Variants in ZNF469 observed in about 807,000 individuals in gnomAD.
ZNF469 encodes zinc finger protein 469.
In ZNF469, 1 loss-of-function variant was observed where a neutral mutation model predicts 1.0. The ratio of observed to expected loss-of-function variants is 1.00; its 90% CI spans 0.35 to 4.73. The LOEUF (loss-of-function observed/expected upper bound fraction) is 4.73, where lower values mean the gene tolerates loss of function less well. Ranked by LOEUF, ZNF469 falls within the 30% of genes most tolerant of loss-of-function variation. The pLI, the probability that ZNF469 is intolerant of heterozygous loss-of-function variation, is 0.16. For missense variants in ZNF469, 6,100 were observed against 5,356.3 expected, an observed-to-expected ratio of 1.14 and a Z score of -4.33; for synonymous variants, 2,703 against 2,363.4, an observed-to-expected ratio of 1.14 and a Z score of -4.17.
At chr16:88,175,730 T>C in the ZNF469 span, among the ~76,000 whole-genome samples, 1 of 152,222 alleles carries the variant, frequency 6.6e-6, no homozygotes, top group Admixed American at 6.5e-5. Context: ...TCAATGCTTA[T>C]GTTAGAAGAG....
chr16:88,393,359 G>A (rs1032640531), intron 1 of ZNF469, among the ~76,000 whole-genome samples: 23 of 152,228 alleles, frequency 1.5e-4, no homozygotes, highest in Admixed American at 9.8e-4. Flanking sequence ...GCTGGGAGCC[G>A]CATTTAGCTC....
chr16:88,168,927 C>CG, the ZNF469 span, among the ~76,000 whole-genome samples: 2 of 152,142 alleles, frequency 1.3e-5, no homozygotes, highest in East Asian at 3.9e-4. This position sits in a 1 kb window ranked among gnomAD's most constrained non-coding sequence, Gnocchi z 4.3. Flanking sequence ...GAGACCCCCC[C>CG]CTCTACAAAA....
At chr16:88,349,747 G>A in the ZNF469 span, among the ~76,000 whole-genome samples, 1 of 110,136 alleles carries the variant, frequency 9.1e-6, no homozygotes, top group Non-Finnish European at 1.8e-5. Context: ...ACACACAAGT[G>A]CACACATGCC....
chr16:88,333,739 G>A, the ZNF469 span, among the ~76,000 whole-genome samples: 1 of 136,136 alleles, frequency 7.3e-6, no homozygotes, highest in African/African-American at 2.6e-5. Context: ...CCCGCGAGGT[G>A]GGGCTGGTAG....
At chr16:88,105,763 A>G in the ZNF469 span, among the ~76,000 whole-genome samples, 2 of 152,174 alleles carry the variant, frequency 1.3e-5, no homozygotes, top group Non-Finnish European at 2.9e-5. Context: ...TAGTTGATTG[A>G]TGATGTCTGC....
the ZNF469 span, among the ~76,000 whole-genome samples, chr16:88,366,445 A>G: frequency 6.6e-6 from 1 of 151,630 alleles, no homozygotes; most frequent in Non-Finnish European, 1.5e-5. Flanking sequence ...CACAACCACC[A>G]TCATCACCAC....
intron 1 of ZNF469, among the ~76,000 whole-genome samples, chr16:88,384,191 T>G (rs2092532342): frequency 6.6e-6 from 1 of 152,186 alleles, no homozygotes; most frequent in Middle Eastern, 3.2e-3. Context: ...AAGTCTTAGA[T>G]GCAGAAACTG....
chr16:88,411,556 C>A (rs186635999), intron 1 of ZNF469, among the ~76,000 whole-genome samples: 1 of 140,064 alleles, frequency 7.1e-6, no homozygotes, highest in Admixed American at 7.0e-5. Flanking sequence ...ATGGCTCTCC[C>A]GCATGGCTGC....
intron 1 of ZNF469, among the ~76,000 whole-genome samples, chr16:88,397,736 C>T (rs558184270): frequency 6.6e-6 from 1 of 152,128 alleles, no homozygotes; most frequent in East Asian, 1.9e-4. Flanking sequence ...GAGAGATTCT[C>T]CTCTGTAAGA....
intron 1 of ZNF469, among the ~76,000 whole-genome samples, chr16:88,402,926 C>CG (rs376726595): frequency 1.3e-5 from 2 of 152,274 alleles, no homozygotes; most frequent in African/African-American, 4.8e-5. Context: ...AGCTGAGAAC[C>CG]CCCACGCCGG....
chr16:88,188,526 C>T, the ZNF469 span, among the ~76,000 whole-genome samples: 1 of 152,148 alleles, frequency 6.6e-6, no homozygotes, highest in Non-Finnish European at 1.5e-5. Flanking sequence ...CATGGTCTGG[C>T]CCCCATGGTG....
the ZNF469 span, among the ~76,000 whole-genome samples, chr16:88,328,031 C>G: frequency 1.3e-4 from 20 of 152,334 alleles, no homozygotes; most frequent in South Asian, 4.1e-3. Flanking sequence ...AGCAGCAGCT[C>G]CCGGCACACA....
At chr16:88,233,688 G>A in the ZNF469 span, among the ~76,000 whole-genome samples, 1 of 152,256 alleles carries the variant, frequency 6.6e-6, no homozygotes, top group Non-Finnish European at 1.5e-5. Context: ...ACCAGGGGAA[G>A]GCAGATGTTT....
chr16:88,431,106 A>C lies in ZNF469; in HGVS notation c.3636A>C (p.Ser1212=), dbSNP rs1215567634. ...PLQVPTNTET[S]EETRPSLDFP... ...AGGTCCCCACCAACACCGAGACCTCAGAGGAAACCCGCCCGTCGCTGGACT... is the reference window on the plus strand; with the variant it reads ...AGGTCCCCACCAACACCGAGACCTCCGAGGAAACCCGCCCGTCGCTGGACT... Residue 1212 remains serine, a synonymous_variant, in exon 3 of 3, where the codon TCA becomes TCC. Transcript: ENST00000565624. 1 of 1,549,962 alleles carries C rather than the reference A, an allele frequency of 6.5e-7. No individual in the cohort carries two copies. The highest frequency in any genetic ancestry group is 2.4e-5 in the East Asian group (1 of 40,902).
upstream of ZNF469, among the ~76,000 whole-genome samples, chr16:88,380,589 T>A (rs558324947): frequency 1.1e-4 from 11 of 100,228 alleles, no homozygotes; most frequent in Admixed American, 4.2e-4. Context: ...AGACATGCAC[T>A]CACACACATG....
the ZNF469 span, among the ~76,000 whole-genome samples, chr16:88,152,160 A>G: frequency 1.3e-5 from 2 of 152,228 alleles, no homozygotes; most frequent in Admixed American, 6.5e-5. This position sits in a 1 kb window ranked among gnomAD's most constrained non-coding sequence, Gnocchi z 4.2. Context: ...TGCAAAAACA[A>G]TTCTGAGAAC....
chr16:88,317,624 G>A, the ZNF469 span, among the ~76,000 whole-genome samples: 3,558 of 152,270 alleles, frequency 0.023, 122 homozygotes, highest in African/African-American at 0.08. Flanking sequence ...GCCGGCAGCC[G>A]CCCTGCACAG....
the ZNF469 span, among the ~76,000 whole-genome samples, chr16:88,330,975 A>G: frequency 6.6e-6 from 1 of 152,108 alleles, no homozygotes; most frequent in Non-Finnish European, 1.5e-5. Context: ...AGTCATCACC[A>G]TCGCCACCAC....
the ZNF469 span, among the ~76,000 whole-genome samples, chr16:88,107,519 T>C: frequency 0.011 from 1,611 of 152,268 alleles, 32 homozygotes; most frequent in African/African-American, 0.037. Context: ...GTGAGGATCA[T>C]GGGGATTAAA....
Sources: allele counts gnomAD v4.1 joint callset (sites outside exome capture counted in the v4.1 genomes callset), GRCh38; gene constraint gnomAD v4.1.1; non-coding constraint Gnocchi (gnomAD v3.1); transcripts MANE v1.5; gene names NCBI Gene and HGNC (gene_info 2026-07-23, HGNC 2026-07-21).